RBMS3: variants seen among roughly 807,000 people sequenced by gnomAD.
The protein encoded by RBMS3 is RNA-binding motif, single-stranded-interacting protein 3.
A neutral mutation model predicts 66.8 loss-of-function variants in RBMS3; 27 were observed. The observed-to-expected ratio is 0.40, with a 90% confidence interval of 0.30 to 0.56. The LOEUF is 0.56. RBMS3 is among the 20% of genes least tolerant of loss of function. The probability of loss-of-function intolerance (pLI) is 0.40; values close to 1 mark genes in which losing one functional copy is unlikely to be tolerated. For missense variants in RBMS3, 513 were observed against 549.5 expected, an observed-to-expected ratio of 0.93 and a Z score of 0.66; for synonymous variants, 188 against 183.0, an observed-to-expected ratio of 1.03 and a Z score of -0.22.
intron 4 of RBMS3, among the ~76,000 whole-genome samples, chr3:29,726,516 G>T (rs1019213140): frequency 2.6e-5 from 4 of 152,154 alleles, no homozygotes; most frequent in Non-Finnish European, 4.4e-5. Flanking sequence ...CAAAGTCCCA[G>T]GATGCAAAAT....
intron 3 of RBMS3, among the ~76,000 whole-genome samples, chr3:29,561,428 TG>T (rs1666450756): frequency 7.0e-6 from 1 of 141,974 alleles, no homozygotes; most frequent in African/African-American, 2.9e-5. Flanking sequence ...CAGCATCTGT[TG>T]TTTTTGTTGT....
At chr3:29,551,372 G>T (rs2149032152) in intron 3 of RBMS3, among the ~76,000 whole-genome samples, 1 of 152,286 alleles carries the variant, frequency 6.6e-6, no homozygotes, top group East Asian at 1.9e-4. Context: ...TGTCAAGAGA[G>T]TTATAATACA....
chr3:29,324,891 C>T (rs2035229109), intron 1 of RBMS3, among the ~76,000 whole-genome samples: 1 of 151,908 alleles, frequency 6.6e-6, no homozygotes, highest in South Asian at 2.1e-4. Context: ...TCCTTTTCCC[C>T]ACTGTTATTT....
intron 3 of RBMS3, among the ~76,000 whole-genome samples, chr3:29,557,578 A>G (rs1363518904): frequency 6.6e-6 from 1 of 152,236 alleles, no homozygotes; most frequent in African/African-American, 2.4e-5. Context: ...AGCAGAGGCT[A>G]CAAGAGCAAA....
At chr3:29,902,100 C>T (rs2060269146) in intron 10 of RBMS3, among the ~76,000 whole-genome samples, 1 of 151,774 alleles carries the variant, frequency 6.6e-6, no homozygotes, top group African/African-American at 2.4e-5. Context: ...AACATGGATT[C>T]TTGGTTGAGC....
intron 1 of RBMS3, among the ~76,000 whole-genome samples, chr3:29,371,540 A>G (rs889393019): frequency 1.3e-5 from 2 of 152,204 alleles, no homozygotes; most frequent in African/African-American, 4.8e-5. Context: ...TGCACCAATA[A>G]CCATATTAAA....
At chr3:29,647,022 G>A (rs952099422) in intron 4 of RBMS3, among the ~76,000 whole-genome samples, 1 of 152,102 alleles carries the variant, frequency 6.6e-6, no homozygotes, top group Non-Finnish European at 1.5e-5. Flanking sequence ...CTGTTGCCCA[G>A]GCTGAAGTGC....
chr3:29,521,873 G>T (rs753681770), intron 3 of RBMS3, among the ~76,000 whole-genome samples: 1 of 152,166 alleles, frequency 6.6e-6, no homozygotes, highest in Non-Finnish European at 1.5e-5. Context: ...GATACATAAG[G>T]TTAATGCAGC....
intron 1 of RBMS3, among the ~76,000 whole-genome samples, chr3:29,424,600 G>C (rs1034880945): frequency 6.6e-6 from 1 of 152,118 alleles, no homozygotes; most frequent in Non-Finnish European, 1.5e-5. Flanking sequence ...TTGTTGAATT[G>C]CTCCTGTGTC....
chr3:29,548,809 T>G (rs2046071839), intron 3 of RBMS3, among the ~76,000 whole-genome samples: 5 of 151,974 alleles, frequency 3.3e-5, no homozygotes, highest in Admixed American at 3.3e-4. Flanking sequence ...CCAAGCAAAC[T>G]CTTAACCCAA....
intron 4 of RBMS3, among the ~76,000 whole-genome samples, chr3:29,623,542 C>A (rs111648164): frequency 7.4e-4 from 109 of 146,980 alleles, no homozygotes; most frequent in African/African-American, 2.4e-3. Flanking sequence ...TGCAGTGAGC[C>A]GAGATCACAC....
At chr3:29,283,066 T>G (rs1416996425) in intron 1 of RBMS3, among the ~76,000 whole-genome samples, 1 of 152,150 alleles carries the variant, frequency 6.6e-6, no homozygotes, top group Non-Finnish European at 1.5e-5. Flanking sequence ...CCTTAAGTTT[T>G]AACTCTTTGG....
intron 1 of RBMS3, among the ~76,000 whole-genome samples, chr3:29,355,914 G>T (rs956844444): frequency 2.6e-5 from 4 of 152,132 alleles, no homozygotes; most frequent in African/African-American, 9.7e-5. Context: ...CCTCTGGAAA[G>T]TTCCCATAGT....
chr3:29,939,188 C>T lies in RBMS3; in HGVS notation c.1050+2992C>T, dbSNP rs566878892. ...AGCAAATTCAAAAGCCTGTAGAGTC[C>T]AGCCAAGTCATATTAATGAATGAAG... is the stretch of plus-strand genomic sequence containing the variant. On this transcript the variant is annotated intron_variant, in intron 11 of 14. Transcript: ENST00000383767. 9.9e-5 allele frequency among the ~76,000 whole-genome samples: 15 copies of T among 152,044 alleles called. No homozygotes were observed. In the South Asian group the frequency reaches 3.1e-3, roughly 31 times the overall value.
At chr3:29,971,878 G>A (rs1697250229) in intron 12 of RBMS3, among the ~76,000 whole-genome samples, 2 of 151,912 alleles carry the variant, frequency 1.3e-5, no homozygotes, top group South Asian at 4.2e-4. Context: ...TTGTGTTGTA[G>A]GTGGATTAAA....
At chr3:29,882,326 A>G (rs757211424) in intron 7 of RBMS3, among the ~76,000 whole-genome samples, 7 of 152,142 alleles carry the variant, frequency 4.6e-5, no homozygotes, top group Non-Finnish European at 1.0e-4. Context: ...GCAAAAAAAC[A>G]AAAACCTTTT....
Position 29,369,149 on chromosome 3 carries a change from C to T in RBMS3, c.76-65594C>T, listed in dbSNP as rs145528124. Among the ~76,000 whole-genome samples, 870 of 151,894 alleles carry T rather than the reference C, an allele frequency of 5.7e-3. 4 individuals carry two copies. Among genetic ancestry groups the T allele is most frequent in the South Asian group, 0.015 (72 of 4,796 alleles). ...ACACATAGAGGGGAACAGCCGGCAC[C>T]GGGGCCTACTTGAGAGTGGAGGGTC... On this transcript the variant is annotated intron_variant, in intron 1 of 14. Transcript: ENST00000383767.
chr3:29,789,446 T>G (rs550013386), intron 6 of RBMS3, among the ~76,000 whole-genome samples: 62 of 152,230 alleles, frequency 4.1e-4, no homozygotes, highest in Non-Finnish European at 8.4e-4. Context: ...AATTTCCTGA[T>G]GGTTAATTAG....
intron 4 of RBMS3, among the ~76,000 whole-genome samples, chr3:29,619,929 A>G (rs1262903713): frequency 6.6e-6 from 1 of 151,860 alleles, no homozygotes; most frequent in Non-Finnish European, 1.5e-5. Context: ...TTTCCTGTTG[A>G]ATGTTTTATG....
Sources: allele counts gnomAD v4.1 joint callset (sites outside exome capture counted in the v4.1 genomes callset), GRCh38; gene constraint gnomAD v4.1.1; transcripts MANE v1.5; gene names NCBI Gene and HGNC (gene_info 2026-07-23, HGNC 2026-07-21).